The following EXOC4 variants were observed in gnomAD, a reference collection of about 807,000 sequenced individuals.
EXOC4 encodes SEC8-like 1.
In EXOC4, 71 loss-of-function variants were observed where a neutral mutation model predicts 107.2. The ratio of observed to expected loss-of-function variants is 0.66; its 90% CI spans 0.55 to 0.81. The LOEUF (loss-of-function observed/expected upper bound fraction) is 0.81, where lower values mean the gene tolerates loss of function less well. Ranked by LOEUF, EXOC4 falls within the 30% of genes least tolerant of loss-of-function variation. The pLI is 0.00. For synonymous variants in EXOC4, 456 were observed against 441.2 expected, an observed-to-expected ratio of 1.03 and a Z score of -0.42; for missense variants, 1,108 against 1,189.6, an observed-to-expected ratio of 0.93 and a Z score of 1.01.
At chr7:133,845,919 T>C (rs960701680) in intron 11 of EXOC4, among the ~76,000 whole-genome samples, 12 of 152,194 alleles carry the variant, frequency 7.9e-5, no homozygotes, top group African/African-American at 2.2e-4. Context: ...TTCAGTCTTA[T>C]AGGATTTGAA....
At chr7:133,809,980 G>A (rs996807222) in intron 10 of EXOC4, among the ~76,000 whole-genome samples, 6 of 152,074 alleles carry the variant, frequency 3.9e-5, no homozygotes, top group Admixed American at 1.3e-4. Flanking sequence ...CTCAAGTTGC[G>A]CATTTTTAGC....
chr7:133,861,667 G>A (rs1429058901), intron 11 of EXOC4, among the ~76,000 whole-genome samples: 1 of 152,062 alleles, frequency 6.6e-6, no homozygotes, highest in Non-Finnish European at 1.5e-5. Context: ...CCAAGTAGCT[G>A]GGGTTACAGG....
At position 133,275,181 on chromosome 7, in the gene EXOC4, C is replaced by A; in HGVS notation, c.276+10C>A. 1 of 1,576,994 alleles carries A rather than the reference C, an allele frequency of 6.3e-7. No homozygotes were observed. The highest frequency in any genetic ancestry group is 1.8e-5 in the Admixed American group (1 of 57,008). On this transcript the variant is annotated intron_variant, in intron 2 of 17. Transcript: ENST00000253861. The stretch of plus-strand genomic sequence containing the variant: ...AAATAAAATAAAGCAGGTATTCCTC[C>A]TTTCTGGTCTGATGGTGGCAGCACT...
intron 11 of EXOC4, among the ~76,000 whole-genome samples, chr7:133,849,042 A>G (rs914799364): frequency 3.3e-5 from 5 of 152,198 alleles, no homozygotes; most frequent in African/African-American, 1.2e-4. Context: ...ATCTGTTTTA[A>G]CCTGAAGCCT....
chr7:133,380,946 G>GCTTT (rs1395987043), intron 7 of EXOC4, among the ~76,000 whole-genome samples: 2 of 152,092 alleles, frequency 1.3e-5, no homozygotes, highest in Admixed American at 6.6e-5. Flanking sequence ...ATTTTTGCTT[G>GCTTT]CTTTCTCTTT....
chr7:134,042,533 T>G (rs568319308), intron 17 of EXOC4, among the ~76,000 whole-genome samples: 276 of 151,070 alleles, frequency 1.8e-3, no homozygotes, highest in African/African-American at 6.4e-3. Flanking sequence ...CATCTACGAC[T>G]GGGCACACTG....
chr7:133,858,861 G>A (rs1798474143), intron 11 of EXOC4, among the ~76,000 whole-genome samples: 1 of 152,150 alleles, frequency 6.6e-6, no homozygotes, highest in Non-Finnish European at 1.5e-5. Flanking sequence ...GTTCTGAACA[G>A]CAAGTGGCAT....
chr7:133,301,426 G>A (rs193076932), intron 3 of EXOC4, among the ~76,000 whole-genome samples: 11 of 152,308 alleles, frequency 7.2e-5, no homozygotes, highest in Admixed American at 6.5e-4. Context: ...CAACTCCAAG[G>A]TAGACCATGG....
chr7:133,451,181 T>A (rs1422332463), intron 7 of EXOC4, among the ~76,000 whole-genome samples: 6 of 152,062 alleles, frequency 3.9e-5, no homozygotes, highest in Non-Finnish European at 8.8e-5. Flanking sequence ...ATTCTGGCTG[T>A]ATTGTGTGTG....
chr7:133,461,877 G>A (rs987120872), intron 7 of EXOC4, among the ~76,000 whole-genome samples: 2 of 152,070 alleles, frequency 1.3e-5, no homozygotes, highest in African/African-American at 2.4e-5. Context: ...GCTGACAGGC[G>A]GCAGAGAAGG....
At chr7:134,079,465 CAT>C in the EXOC4 span, among the ~76,000 whole-genome samples, 1 of 152,152 alleles carries the variant, frequency 6.6e-6, no homozygotes. Flanking sequence ...CAGCCCACCA[CAT>C]GTCTTGAACA....
intron 10 of EXOC4, 187 bp downstream of exon 10, chr7:133,630,328 A>G (rs1384445027): frequency 3.9e-6 from 2 of 510,012 alleles, no homozygotes; most frequent in African/African-American, 3.8e-5. Flanking sequence ...GTAGCTACTT[A>G]TTTTCAGGAG....
intron 17 of EXOC4, among the ~76,000 whole-genome samples, chr7:134,020,480 T>C (rs1795003837): frequency 6.6e-6 from 1 of 152,212 alleles, no homozygotes; most frequent in Admixed American, 6.5e-5. Flanking sequence ...GAAAGCACTT[T>C]TCTAGATTAT....
intron 9 of EXOC4, among the ~76,000 whole-genome samples, chr7:133,492,583 G>A (rs1799393021): frequency 6.6e-6 from 1 of 152,122 alleles, no homozygotes; most frequent in Non-Finnish European, 1.5e-5. Context: ...CAAGTTCAGA[G>A]TAATGGAGTT....
chr7:133,734,524 C>T (rs1414768687), intron 10 of EXOC4, among the ~76,000 whole-genome samples: 4 of 147,980 alleles, frequency 2.7e-5, no homozygotes, highest in Admixed American at 1.4e-4. Flanking sequence ...AATTATATTT[C>T]GAGGATTTTT....
chr7:133,865,683 G>A (rs1429264976), intron 11 of EXOC4, among the ~76,000 whole-genome samples: 1 of 152,170 alleles, frequency 6.6e-6, no homozygotes, highest in African/African-American at 2.4e-5. Context: ...GACAGAAGGC[G>A]AAGGGGAAGC....
chr7:133,452,119 G>A (rs1025793581), intron 7 of EXOC4, among the ~76,000 whole-genome samples: 5 of 152,018 alleles, frequency 3.3e-5, no homozygotes, highest in Middle Eastern at 3.2e-3. Flanking sequence ...CTGATGCACT[G>A]TGAATTGCTA....
intron 9 of EXOC4, among the ~76,000 whole-genome samples, chr7:133,529,546 G>A (rs1469544654): frequency 6.6e-6 from 1 of 152,132 alleles, no homozygotes; most frequent in Non-Finnish European, 1.5e-5. Flanking sequence ...ATCTCATTTT[G>A]TAGATGGGGC....
At chr7:133,951,226 T>G (rs1800683443) in intron 14 of EXOC4, among the ~76,000 whole-genome samples, 1 of 152,194 alleles carries the variant, frequency 6.6e-6, no homozygotes, top group Non-Finnish European at 1.5e-5. Flanking sequence ...CAACATCTGT[T>G]ACACTCCTGC....
Sources: gnomAD v4.1 joint callset for allele counts (sites outside exome capture counted in the v4.1 genomes callset) on GRCh38, gnomAD v4.1.1 for gene constraint, MANE v1.5 for transcripts, NCBI Gene and HGNC (gene_info 2026-07-23, HGNC 2026-07-21) for gene names.